CLSTN2: variants seen among roughly 807,000 people sequenced by gnomAD.
The protein encoded by CLSTN2 is calsyntenin-2.
In CLSTN2, 48 loss-of-function variants were observed where a neutral mutation model predicts 101.2. That is an observed-to-expected ratio of 0.47 (90% CI 0.38 to 0.60). CLSTN2 has a LOEUF of 0.60. CLSTN2 is among the 20% of genes least tolerant of loss of function. The pLI is 0.00. For synonymous variants in CLSTN2, 481 were observed against 463.6 expected, an observed-to-expected ratio of 1.04 and a Z score of -0.48; for missense variants, 1,160 against 1,238.2, an observed-to-expected ratio of 0.94 and a Z score of 0.95.
At chr3:139,969,799 C>T (rs2107818398) in intron 1 of CLSTN2, among the ~76,000 whole-genome samples, 1 of 152,330 alleles carries the variant, frequency 6.6e-6, no homozygotes, top group Middle Eastern at 3.4e-3. Context: ...CCATCACCCA[C>T]TGGCTCCAAA....
At chr3:140,112,033 T>G (rs534912175) in intron 1 of CLSTN2, among the ~76,000 whole-genome samples, 1 of 152,302 alleles carries the variant, frequency 6.6e-6, no homozygotes, top group Non-Finnish European at 1.5e-5. Context: ...GTATATGCAG[T>G]TTGCAGGTAC....
chr3:140,538,389 T>C (rs962319977), intron 9 of CLSTN2, among the ~76,000 whole-genome samples: 1 of 152,096 alleles, frequency 6.6e-6, no homozygotes, highest in Admixed American at 6.5e-5. Context: ...AGCCTGTAAA[T>C]AGACAGATGC....
intron 2 of CLSTN2, among the ~76,000 whole-genome samples, chr3:140,376,142 T>G (rs7618673): frequency 0.45 from 69,091 of 152,046 alleles, 16,607 homozygotes; most frequent in Non-Finnish European, 0.54. Flanking sequence ...ACCTAACCAC[T>G]GAACTCAAGT....
chr3:140,459,992 A>G (rs1239233288), intron 7 of CLSTN2, among the ~76,000 whole-genome samples: 1 of 152,224 alleles, frequency 6.6e-6, no homozygotes, highest in Non-Finnish European at 1.5e-5. Context: ...GTAGGGGTAC[A>G]GACACAAAGG....
chr3:140,006,824 C>T lies in CLSTN2; in HGVS notation c.109+71341C>T, dbSNP rs540849610. Among the ~76,000 whole-genome samples, 29 of 152,184 alleles carry T rather than the reference C, an allele frequency of 1.9e-4. No individual in the cohort carries two copies. In the East Asian group the frequency reaches 4.8e-3, roughly 25 times the overall value. On this transcript the variant is annotated intron_variant, in intron 1 of 16. Transcript: ENST00000458420. The stretch of plus-strand genomic sequence containing the variant: ...ATTATTGGTACTCAGTAAATAGTAG[C>T]TCTATCAATAGTAGCTCTAATGATT...
At chr3:140,034,371 T>C (rs1027542913) in intron 1 of CLSTN2, among the ~76,000 whole-genome samples, 2 of 152,192 alleles carry the variant, frequency 1.3e-5, no homozygotes, top group Non-Finnish European at 2.9e-5. Flanking sequence ...AGAACTGGGA[T>C]GTCATCATTT....
At chr3:140,404,266 G>C (rs757436087) in intron 3 of CLSTN2, among the ~76,000 whole-genome samples, 1 of 152,198 alleles carries the variant, frequency 6.6e-6, no homozygotes, top group Non-Finnish European at 1.5e-5. Flanking sequence ...ACTGAATGGA[G>C]GAGTGGATGA....
At chr3:140,174,588 A>G (rs1181718341) in intron 1 of CLSTN2, among the ~76,000 whole-genome samples, 1 of 152,188 alleles carries the variant, frequency 6.6e-6, no homozygotes, top group Non-Finnish European at 1.5e-5. Flanking sequence ...GGCAATTTAC[A>G]AAAGAAAGAG....
In CLSTN2 at chr3:140,179,135, A is replaced by G. The variant is rs569870303; in HGVS notation, c.232+3062A>G. ...TAAGTGCAAAATTCAAAGATTTAAC[A>G]TAGCTTTTATGGTATATCTCCTGAT... On this transcript the variant is annotated intron_variant, in intron 2 of 16. Coordinates refer to ENST00000458420, the MANE Select transcript of CLSTN2 (RefSeq NM_022131.3). 4.6e-5 allele frequency among the ~76,000 whole-genome samples: 7 copies of G among 152,314 alleles called. No homozygotes were observed. The East Asian group carries it at 9.6e-4, about 21-fold the overall frequency.
At chr3:140,083,710 C>T (rs2008634858) in intron 1 of CLSTN2, among the ~76,000 whole-genome samples, 1 of 152,212 alleles carries the variant, frequency 6.6e-6, no homozygotes. Context: ...TTTCCATCCA[C>T]TGGCTTTTAT....
chr3:140,317,777 C>T (rs1559837427), intron 2 of CLSTN2, among the ~76,000 whole-genome samples: 1 of 152,114 alleles, frequency 6.6e-6, no homozygotes, highest in East Asian at 1.9e-4. Flanking sequence ...ACATGTAGTA[C>T]CAGATTTGTT....
At chr3:140,333,271 T>A (rs1265909421) in intron 2 of CLSTN2, among the ~76,000 whole-genome samples, 1 of 152,200 alleles carries the variant, frequency 6.6e-6, no homozygotes, top group Non-Finnish European at 1.5e-5. Context: ...AGGACTTAAC[T>A]GAATCAGAGA....
At position 140,157,365 on chromosome 3, in the gene CLSTN2, C is replaced by T. The variant is rs2009972410; in HGVS notation, c.110-18586C>T. Among the ~76,000 whole-genome samples, 3 of 152,226 alleles carry T rather than the reference C, an allele frequency of 2.0e-5. No homozygotes were observed. The South Asian group carries it at 6.2e-4, about 32-fold the overall frequency. ...GAATTCAGCTGTGAATCCATCTGGTCTGCGGATTTATTTGGTTGGTAGGTT... is the reference window on the plus strand; with the variant it reads ...GAATTCAGCTGTGAATCCATCTGGTTTGCGGATTTATTTGGTTGGTAGGTT... On this transcript the variant is annotated intron_variant, in intron 1 of 16. Transcript: ENST00000458420.
At chr3:140,201,719 G>C (rs955115593) in intron 2 of CLSTN2, among the ~76,000 whole-genome samples, 1 of 152,016 alleles carries the variant, frequency 6.6e-6, no homozygotes, top group Non-Finnish European at 1.5e-5. Context: ...TCTCTGCCTT[G>C]GTGAAGCTTA....
intron 1 of CLSTN2, among the ~76,000 whole-genome samples, chr3:140,082,598 C>T (rs79903894): frequency 3.9e-5 from 6 of 152,308 alleles, no homozygotes; most frequent in Non-Finnish European, 8.8e-5. Context: ...CCATACACCC[C>T]TCCAAACAGA....
At chr3:140,089,662 G>T (rs2107784923) in intron 1 of CLSTN2, among the ~76,000 whole-genome samples, 1 of 151,568 alleles carries the variant, frequency 6.6e-6, no homozygotes, top group East Asian at 1.9e-4. Context: ...GTCCAGGCTA[G>T]AGTGCAGTGG....
chr3:140,418,665 C>T (rs1390514784), intron 4 of CLSTN2, among the ~76,000 whole-genome samples: 2 of 151,906 alleles, frequency 1.3e-5, no homozygotes, highest in Non-Finnish European at 2.9e-5. Context: ...TTACAGGTGC[C>T]TGCCACCACA....
chr3:140,533,766 G>A (rs1188079915), intron 9 of CLSTN2, among the ~76,000 whole-genome samples: 1 of 150,868 alleles, frequency 6.6e-6, no homozygotes, highest in Non-Finnish European at 1.5e-5. Context: ...TGACCCATGA[G>A]TGAACTAGGA....
chr3:140,527,927 G>C (rs1043134226), intron 8 of CLSTN2, among the ~76,000 whole-genome samples: 6 of 152,134 alleles, frequency 3.9e-5, no homozygotes, highest in Non-Finnish European at 5.9e-5. Flanking sequence ...ATGGGGGAGG[G>C]AAAGAGAGGG....
Sources: allele counts gnomAD v4.1 joint callset (sites outside exome capture counted in the v4.1 genomes callset), GRCh38; gene constraint gnomAD v4.1.1; transcripts MANE v1.5; gene names NCBI Gene and HGNC (gene_info 2026-07-23, HGNC 2026-07-21).